The following CSF1R variants were observed in gnomAD, a reference collection of about 807,000 sequenced individuals.
CSF1R encodes the protein macrophage colony-stimulating factor 1 receptor.
A neutral mutation model predicts 110.0 loss-of-function variants in CSF1R; 40 were observed. The ratio of observed to expected loss-of-function variants is 0.36; its 90% CI spans 0.28 to 0.47. The LOEUF (loss-of-function observed/expected upper bound fraction) is 0.47. CSF1R is among the 20% of genes least tolerant of loss of function. The probability of loss-of-function intolerance (pLI) is 0.99; values close to 1 mark genes in which losing one functional copy is unlikely to be tolerated. For synonymous variants in CSF1R, 523 were observed against 503.4 expected, an observed-to-expected ratio of 1.04 and a Z score of -0.52; for missense variants, 1,052 against 1,253.0, an observed-to-expected ratio of 0.84 and a Z score of 2.42.
In CSF1R at chr5:150,057,562, G is replaced by A; in HGVS notation, c.2163C>T (p.Asp721=). ...AGACAGGCCTCATCTCCACATAGGT[G>A]TCCACACCCTGGCTGGAGAAGCCAC... is the stretch of plus-strand genomic sequence containing the variant. The part of the protein sequence containing the change: ...RDSGFSSQGV[D]TYVEMRPVST... Residue 721 remains aspartate (D), a synonymous_variant, in exon 15 of 21, where the codon GAC becomes GAT. Coordinates refer to ENST00000675795, the MANE Select transcript of CSF1R (RefSeq NM_001288705.3). The A allele has an allele frequency of 1.2e-6, 2 of 1,614,208 alleles. No individual in the cohort carries two copies. Among genetic ancestry groups the A allele is most frequent in the Non-Finnish European group, 1.7e-6 (2 of 1,180,028 alleles).
At chr5:150,086,329 C>T (rs753633934) in intron 1 of CSF1R, 50 bp downstream of exon 1, 1 of 1,546,396 alleles carries the variant, frequency 6.5e-7, no homozygotes, top group South Asian at 1.2e-5. Context: ...TCACAGGGGT[C>T]TTCTCCATCA....
At chr5:150,069,755 G>C (rs1278397056) in intron 9 of CSF1R, 118 bp downstream of exon 9, 33 of 978,660 alleles carry the variant, frequency 3.4e-5, no homozygotes, top group Non-Finnish European at 4.7e-5. Flanking sequence ...GCTAGGATCT[G>C]CTCCAAAGGT....
chr5:150,095,146 A>G, intron 1 of CSF1R: 1 of 708,686 alleles, frequency 1.4e-6, no homozygotes, highest in East Asian at 2.7e-5. Flanking sequence ...ACAGAGCTTC[A>G]AACTACATGA....
rs1365494031 is a variant in CSF1R, at chr5:150,056,238, T to C, written c.2423A>G (p.Asn808Ser). ...GLARDIMNDS[N>S]YIVKGNARLP... ...ACTTACATTGCCCTTGACAATGTAG[T>C]TGGAGTCATTCATGATGTCCCTAGC... The change falls in exon 17 of 21, where the codon AAC (asparagine) becomes AGC (serine). Residue 808 changes from asparagine (N) to serine (S), a missense_variant. Transcript: ENST00000675795. 4.3e-6 allele frequency: 7 copies of C among 1,614,168 alleles called. 1 individual carries two copies. In the South Asian group the frequency reaches 7.7e-5, roughly 18 times the overall value.
At chr5:150,087,017 G>A (rs1291062346), upstream of CSF1R, among the ~76,000 whole-genome samples, 1 of 152,112 alleles carries the variant, frequency 6.6e-6, no homozygotes, top group Non-Finnish European at 1.5e-5. Flanking sequence ...TCACTCTGTT[G>A]CCCAGGCTGG....
At chr5:150,107,010 GTCT>G (rs1463766891) in intron 1 of CSF1R, among the ~76,000 whole-genome samples, 1 of 152,160 alleles carries the variant, frequency 6.6e-6, no homozygotes, top group African/African-American at 2.4e-5. Context: ...CTCCCTTCCG[GTCT>G]TCTTTATACC....
chr5:150,104,031 G>A (rs183942249), intron 1 of CSF1R, among the ~76,000 whole-genome samples: 61 of 152,156 alleles, frequency 4.0e-4, no homozygotes, highest in Non-Finnish European at 7.1e-4. Context: ...AGGGGTGGGA[G>A]GGGGGTACCT....
intron 1 of CSF1R, chr5:150,094,208 G>A: frequency 1.4e-6 from 1 of 739,208 alleles, no homozygotes; most frequent in Middle Eastern, 3.9e-4. Flanking sequence ...ACATTACATA[G>A]TGAAGACAGA....
intron 1 of CSF1R, among the ~76,000 whole-genome samples, chr5:150,084,679 C>T (rs1246288065): frequency 6.6e-6 from 1 of 151,882 alleles, no homozygotes; most frequent in African/African-American, 2.4e-5. Context: ...GTCTGAAACT[C>T]CTGATCTTGT....
At chr5:150,073,215 G>T (rs1245141628) in intron 6 of CSF1R, 86 bp downstream of exon 6, 2 of 1,358,946 alleles carry the variant, frequency 1.5e-6, no homozygotes, top group African/African-American at 1.4e-5. Flanking sequence ...CACCAAGGTT[G>T]GGACATGAGC....
intron 1 of CSF1R, among the ~76,000 whole-genome samples, chr5:150,083,679 C>T (rs1758669796): frequency 6.6e-6 from 1 of 152,162 alleles, no homozygotes. Flanking sequence ...GACCCTAATT[C>T]ACTCTGCCAA....
chr5:150,065,254 G>A (rs141143446), intron 10 of CSF1R, among the ~76,000 whole-genome samples: 2 of 152,242 alleles, frequency 1.3e-5, no homozygotes, highest in East Asian at 3.9e-4. Context: ...CCAGGAAGGT[G>A]GAGATCTGAA....
chr5:150,054,205 C>T lies in CSF1R; in HGVS notation c.2783G>A (p.Ser928Asn), dbSNP rs757426806. 1.2e-6 allele frequency: 2 copies of T among 1,612,300 alleles called. No individual in the cohort carries two copies. Among genetic ancestry groups the T allele is most frequent in the South Asian group, 1.1e-5 (1 of 90,756 alleles). Residue 928 changes from serine (S) to asparagine (N), a missense_variant, in exon 21 of 21, where the codon AGC becomes AAC. By Grantham distance (46) the Ser-to-Asn change is conservative. Around this residue, in one of 5 missense-constraint regions of CSF1R, gnomAD observed 85 missense variants for 78.8 expected, o/e 1.08. Transcript: ENST00000675795. ...GCCGCTGCCACCGCTTCTGCTGCTGCTCGGCAGATTGGTATAGTCCTGAGG... is the reference window on the plus strand; with the variant it reads ...GCCGCTGCCACCGCTTCTGCTGCTGTTCGGCAGATTGGTATAGTCCTGAGG... ...RRERDYTNLP[S>N]SSRSGGSGSS... is the part of the protein sequence containing the mutation.
At chr5:150,069,595 C>T (rs1180445914) in intron 9 of CSF1R, among the ~76,000 whole-genome samples, 1 of 152,172 alleles carries the variant, frequency 6.6e-6, no homozygotes, top group Non-Finnish European at 1.5e-5. Flanking sequence ...TGAATAGATG[C>T]ATGAGTTAGA....
rs1471579440 is a variant in CSF1R at position 150,094,484 on chromosome 5, T to C, written c.-180-7877A>G. ...AAGCAAAGCACTATCACAAGGAATA[T>C]AGGCAGATGTACAGGACTGAAATTC... On this transcript the variant is annotated intron_variant, in intron 1 of 21. Transcript: ENST00000286301. 10 of 1,598,900 alleles carry C rather than the reference T, an allele frequency of 6.3e-6. No homozygotes were observed. The East Asian group carries it at 1.8e-4, about 29-fold the overall frequency.
chr5:150,105,023 C>T (rs1425845559), intron 1 of CSF1R, among the ~76,000 whole-genome samples: 1 of 150,894 alleles, frequency 6.6e-6, no homozygotes, highest in Admixed American at 6.6e-5. Flanking sequence ...GGACTATAGG[C>T]ACCCACCACC....
Position 150,073,310 on chromosome 5 carries a change from T to C in CSF1R, c.1073A>G (p.Asp358Gly). Residue 358 changes from aspartate (D) to glycine (G), a missense_variant, in exon 6 of 21, where the codon GAC becomes GGC. Physicochemically the swap from Asp to Gly is moderately conservative, Grantham distance 94 (BLOSUM62 -1). Coordinates refer to ENST00000675795, the MANE Select transcript of CSF1R (RefSeq NM_001288705.3). ...AGCTGATAAGTGGTACCTGTATGTG[T>C]CCTTGGTGGTAGCATTAGCAAGCTT... ...EPKLANATTKDTYRHTFTLSL... is the reference protein window; with the variant it reads ...EPKLANATTKGTYRHTFTLSL... 2 of 1,613,724 alleles carry C rather than the reference T, an allele frequency of 1.2e-6. No individual in the cohort carries two copies. Among genetic ancestry groups the C allele is most frequent in the South Asian group, 1.1e-5 (1 of 91,046 alleles).
chr5:150,085,286 A>AAAAAAAAAAAAAAAAC, intron 1 of CSF1R, among the ~76,000 whole-genome samples: 1 of 148,714 alleles, frequency 6.7e-6, no homozygotes, highest in Non-Finnish European at 1.5e-5. Flanking sequence ...GGAAAAAAAA[A>AAAAAAAAAAAAAAAAC]AAAAAAACCC....
At position 150,057,306 on chromosome 5, in the gene CSF1R, G is replaced by C. The variant is rs1465450062; in HGVS notation, c.2300C>G (p.Ala767Gly). The C allele has an allele frequency of 6.2e-7, 1 of 1,613,612 alleles. No individual in the cohort carries two copies. The highest frequency in any genetic ancestry group is 8.5e-7 in the Non-Finnish European group (1 of 1,179,976). Reference sequence around the variant, plus strand: ...ACTCACATTCTTGGAAGCGAGGAAGGCCATGCCCTGGGCTACTTGGCTGGA... The same window carrying C: ...ACTCACATTCTTGGAAGCGAGGAAGCCCATGCCCTGGGCTACTTGGCTGGA... ...HFSSQVAQGM[A>G]FLASKNCIHR... is the part of the protein sequence containing the mutation. The change falls in exon 16 of 21, where the codon GCC (alanine) becomes GGC (glycine). Residue 767 changes from alanine to glycine, a missense_variant. By Grantham distance (60) the Ala-to-Gly change is moderately conservative. Transcript: ENST00000675795.
Sources: allele counts gnomAD v4.1 joint callset (sites outside exome capture counted in the v4.1 genomes callset), GRCh38; gene constraint gnomAD v4.1.1; regional missense constraint gnomAD v4.1.1; transcripts MANE v1.5; gene names NCBI Gene and HGNC (gene_info 2026-07-23, HGNC 2026-07-21).